The following HIVEP3 variants were observed in gnomAD, a reference collection of about 807,000 sequenced individuals.
HIVEP3 encodes the protein transcription factor HIVEP3.
Under a neutral mutation model 152.8 loss-of-function variants are expected in HIVEP3, and 49 were observed. The ratio of observed to expected loss-of-function variants is 0.32; its 90% CI spans 0.26 to 0.41. The LOEUF (loss-of-function observed/expected upper bound fraction) is 0.41, where lower values mean the gene tolerates loss of function less well. Among genes scored for constraint, HIVEP3 ranks in the 10% least tolerant of loss-of-function variants. The probability of loss-of-function intolerance (pLI) is 1.00; values close to 1 mark genes in which losing one functional copy is unlikely to be tolerated. For missense variants in HIVEP3, 2,790 were observed against 3,103.3 expected, an observed-to-expected ratio of 0.90 and a Z score of 2.40; for synonymous variants, 1,269 against 1,289.0, an observed-to-expected ratio of 0.98 and a Z score of 0.33.
chr1:41,845,430 C>T (rs1469391364), intron 1 of HIVEP3, among the ~76,000 whole-genome samples: 24 of 148,524 alleles, frequency 1.6e-4, no homozygotes, highest in African/African-American at 6.1e-4. Flanking sequence ...CACACACACA[C>T]ACACACACAC....
rs1057328070 is a variant in HIVEP3 at position 41,581,846 on chromosome 1, A to G, written c.2952T>C (p.His984=). The part of the protein sequence containing the change: ...HMLTVPSHHP[H]AREMRRSASE... The stretch of plus-strand genomic sequence containing the variant: ...AGGCTGACCTCCGCATCTCTCGGGC[A>G]TGTGGGTGGTGGCTGGGGACAGTCA... The change falls in exon 4 of 9, where the codon CAT becomes CAC. Residue 984 remains histidine, a synonymous_variant. Transcript: ENST00000372583. The surrounding 1 kb of genome is among the most constrained non-coding windows in gnomAD (Gnocchi z 4.5). 6.2e-7 allele frequency: 1 copy of G among 1,601,788 alleles called. No individual in the cohort carries two copies. The highest frequency in any genetic ancestry group is 1.3e-5 in the African/African-American group (1 of 74,774).
chr1:41,628,753 G>C lies in HIVEP3; in HGVS notation c.-526C>G. 7 of 1,232,154 alleles carry C rather than the reference G, an allele frequency of 5.7e-6. No individual in the cohort carries two copies. Among genetic ancestry groups the C allele is most frequent in the Non-Finnish European group, 7.1e-6 (7 of 987,968 alleles). The allele number at this position is 1,232,154 out of a possible 1,614,324, so 76.3% of individuals were successfully genotyped here. On this transcript the variant is annotated 5_prime_UTR_variant, in exon 3 of 9. Coordinates refer to ENST00000372583, the MANE Select transcript of HIVEP3 (RefSeq NM_024503.5). Reference sequence around the variant, plus strand: ...GCAACAGCCCCCATTTCCTACCTGTGCTGAAGGCACCACTTCCGATGACCA... The same window carrying C: ...GCAACAGCCCCCATTTCCTACCTGTCCTGAAGGCACCACTTCCGATGACCA...
chr1:41,749,737 CT>C (rs1006432493), intron 1 of HIVEP3, among the ~76,000 whole-genome samples: 1 of 107,882 alleles, frequency 9.3e-6, no homozygotes, highest in Non-Finnish European at 2.2e-5. Context: ...TTTCTAGCCC[CT>C]GTTCTTCCCA....
intron 3 of HIVEP3, among the ~76,000 whole-genome samples, chr1:41,614,292 C>CG (rs1644937205): frequency 1.3e-5 from 2 of 152,164 alleles, no homozygotes; most frequent in Non-Finnish European, 2.9e-5. Flanking sequence ...GGCCACCAGC[C>CG]CTGAGTCTAA....
chr1:41,653,309 C>G (rs1314954704), intron 2 of HIVEP3, among the ~76,000 whole-genome samples: 1 of 151,752 alleles, frequency 6.6e-6, no homozygotes, highest in African/African-American at 2.4e-5. Context: ...GCACACAGTA[C>G]CCACCTCTAC....
rs1033110888 is a variant in HIVEP3, at chr1:41,508,427, G to A, written c.*2024C>T. On this transcript the variant is annotated 3_prime_UTR_variant, in exon 9 of 9. Transcript: ENST00000372583. ...GGACAGTGTGGTCCAGGCTGGGCTT[G>A]CTGCTTCTCTTGGGGAGGATGAGAG... The A allele has an allele frequency of 3.9e-5, 6 of 152,284 alleles. No individual in the cohort carries two copies. Among genetic ancestry groups the A allele is most frequent in the African/African-American group, 1.2e-4 (5 of 41,434 alleles). The allele number at this position is 152,284 out of a possible 1,614,324, so 9.4% of individuals were successfully genotyped here.
chr1:41,595,924 G>C (rs1448821110), intron 3 of HIVEP3, among the ~76,000 whole-genome samples: 1 of 152,146 alleles, frequency 6.6e-6, no homozygotes, highest in African/African-American at 2.4e-5. Context: ...GTGATTGTGT[G>C]AGTCAATACT....
rs560790199 is a variant in HIVEP3, at chr1:41,944,920, G to A, written n.120-26396C>T. On this transcript the variant is annotated intron_variant and non_coding_transcript_variant, in intron 1 of 3. Coordinates refer to the HIVEP3 transcript ENST00000489103. ...ACTGGGGCCAATTTGACCCTCAGAC[G>A]CTAAGAAAGAAACGATTTATATTCC... Among the ~76,000 whole-genome samples, 66 of 152,198 alleles carry A rather than the reference G, an allele frequency of 4.3e-4. No homozygotes were observed. In the South Asian group the frequency reaches 0.012, roughly 28 times the overall value.
At chr1:41,726,768 C>T (rs1012906416) in intron 1 of HIVEP3, among the ~76,000 whole-genome samples, 4 of 152,100 alleles carry the variant, frequency 2.6e-5, no homozygotes, top group Admixed American at 2.6e-4. Context: ...GCTGGCAGGT[C>T]TCAGCTGACT....
rs1644371937 is a variant in HIVEP3, at chr1:41,579,766, A to G, written c.5032T>C (p.Ser1678Pro). The G allele has an allele frequency of 2.5e-6, 4 of 1,593,064 alleles. No homozygotes were observed. In the East Asian group the frequency reaches 9.0e-5, roughly 36 times the overall value. ...GTCATGCGGGGCTTGCGGGAGCTGG[A>G]TGGCACAAGCCTTCCTGCCTCAGGA... ...PHPEAGRLVP[S>P]SSRKPRMTEV... is the part of the protein sequence containing the mutation. The change falls in exon 4 of 9, where the codon TCC becomes CCC. Residue 1678 changes from serine (S) to proline (P), a missense_variant. By Grantham distance (74) the Ser-to-Pro change is moderately conservative. This residue lies in a region of HIVEP3 where 1,078 missense variants were observed against 1,165.3 expected (regional missense o/e 0.93). Coordinates refer to ENST00000372583, the MANE Select transcript of HIVEP3 (RefSeq NM_024503.5).
chr1:41,544,868 C>CCACCTCTACCACCTCTACCACCACG lies in HIVEP3; in HGVS notation c.5208-19959_5208-19958insCGTGGTGGTAGAGGTGGTAGAGGTG, dbSNP rs1643667795. Reference sequence around the variant, plus strand: ...CTACCACCACCACCACCACCACCACCACCACCACTACCACCTCTACCACCA... The same window carrying CCACCTCTACCACCTCTACCACCACG: ...CTACCACCACCACCACCACCACCACCCACCTCTACCACCTCTACCACCACGACCACCACTACCACCTCTACCACCA... On this transcript the variant is annotated intron_variant, in intron 5 of 8. Coordinates refer to ENST00000372583, the MANE Select transcript of HIVEP3 (RefSeq NM_024503.5). Among the ~76,000 whole-genome samples, 2 of 89,544 alleles carry CCACCTCTACCACCTCTACCACCACG rather than the reference C, an allele frequency of 2.2e-5. 1 individual carries two copies. The highest frequency in any genetic ancestry group is 4.4e-5 in the Non-Finnish European group (2 of 45,356). 58.7% of individuals were successfully genotyped at this position (89,544 alleles called of 152,430 possible). A position where few individuals can be genotyped will look rare whatever the true frequency, so the allele number is the denominator to read the frequency against.
chr1:41,527,006 C>A (rs1322885766), intron 5 of HIVEP3, among the ~76,000 whole-genome samples: 2 of 118,684 alleles, frequency 1.7e-5, no homozygotes, highest in Admixed American at 1.7e-4. Context: ...CACTCACACT[C>A]GCTTACACCC....
In HIVEP3 at chr1:41,582,866, T is replaced by A; in HGVS notation, c.1932A>T (p.Glu644Asp). ...TGTACCGAGCACCACATATGTTACA[T>A]TCGTAGATCACCCCTTTTGTTTTCA... is the stretch of plus-strand genomic sequence containing the variant. ...KGLKTKGVIY[E>D]CNICGARYKK... The change falls in exon 4 of 9, where the codon GAA becomes GAT. Residue 644 changes from glutamate to aspartate, a missense_variant. Physicochemically the swap from Glu to Asp is conservative, Grantham distance 45. Coordinates refer to ENST00000372583, the MANE Select transcript of HIVEP3 (RefSeq NM_024503.5). This position sits in a 1 kb window ranked among gnomAD's most constrained non-coding sequence, Gnocchi z 4.7. 1.2e-6 allele frequency: 2 copies of A among 1,614,190 alleles called. No individual in the cohort carries two copies. The highest frequency in any genetic ancestry group is 3.3e-5 in the Admixed American group (2 of 60,030).
intron 2 of HIVEP3, among the ~76,000 whole-genome samples, chr1:41,665,499 C>T (rs767553187): frequency 6.6e-6 from 1 of 151,770 alleles, no homozygotes; most frequent in African/African-American, 2.4e-5. Context: ...ATACACAAGC[C>T]TGTGTTCATG....
In HIVEP3 at chr1:41,611,962, G is replaced by A. The variant is rs548527445; in HGVS notation, c.-522+16787C>T. ...ACTAGGTCTGTGAAGATATAAACTC[G>A]CCCTTCTTGATGGCCCAGGCTTTTT... On this transcript the variant is annotated intron_variant, in intron 3 of 8. Coordinates refer to ENST00000372583, the MANE Select transcript of HIVEP3 (RefSeq NM_024503.5). 3.9e-5 allele frequency among the ~76,000 whole-genome samples: 6 copies of A among 152,124 alleles called. No homozygotes were observed. In the East Asian group the frequency reaches 7.7e-4, roughly 20 times the overall value.
At chr1:41,808,054 C>A (rs1650737365) in intron 1 of HIVEP3, among the ~76,000 whole-genome samples, 1 of 152,206 alleles carries the variant, frequency 6.6e-6, no homozygotes, top group African/African-American at 2.4e-5. Context: ...ACAGGGCATC[C>A]ACTATGGGCT....
intron 1 of HIVEP3, among the ~76,000 whole-genome samples, chr1:41,710,336 A>AAGGGTGTTCTG (rs1000238949): frequency 1.3e-5 from 2 of 152,180 alleles, no homozygotes; most frequent in Admixed American, 1.3e-4. Flanking sequence ...AGAGAAGAGC[A>AAGGGTGTTCTG]AGGGTGTTCT....
At chr1:41,800,223 G>T (rs1385689671) in intron 1 of HIVEP3, among the ~76,000 whole-genome samples, 1 of 152,216 alleles carries the variant, frequency 6.6e-6, no homozygotes, top group Non-Finnish European at 1.5e-5. Flanking sequence ...CTTTCATCAG[G>T]GGTGGAGTCT....
At chr1:41,594,389 A>G (rs945986227) in intron 3 of HIVEP3, among the ~76,000 whole-genome samples, 2 of 151,650 alleles carry the variant, frequency 1.3e-5, no homozygotes, top group African/African-American at 4.9e-5. Flanking sequence ...CACCCAGATA[A>G]TTTTCGTATT....
Sources: gnomAD v4.1 joint callset for allele counts (sites outside exome capture counted in the v4.1 genomes callset) on GRCh38, gnomAD v4.1.1 for gene constraint, gnomAD v4.1.1 regional missense constraint, Gnocchi (gnomAD v3.1) non-coding constraint, MANE v1.5 for transcripts, NCBI Gene and HGNC (gene_info 2026-07-23, HGNC 2026-07-21) for gene names.